Variants in FILIP1 observed in about 807,000 individuals in gnomAD.
FILIP1 encodes the protein filamin A interacting protein 1.
In FILIP1, 61 loss-of-function variants were observed where a neutral mutation model predicts 102.1. That is an observed-to-expected ratio of 0.60 (90% confidence interval 0.49 to 0.74). FILIP1 has a LOEUF of 0.74. FILIP1 is among the 30% of genes least tolerant of loss of function. The pLI is 0.00. For synonymous variants in FILIP1, 491 were observed against 526.9 expected, an observed-to-expected ratio of 0.93 and a Z score of 0.93; for missense variants, 1,314 against 1,441.2, an observed-to-expected ratio of 0.91 and a Z score of 1.43.
chr6:75,420,836 A>G (rs1352118138), intron 1 of FILIP1, among the ~76,000 whole-genome samples: 2 of 152,206 alleles, frequency 1.3e-5, no homozygotes, highest in Admixed American at 1.3e-4. Flanking sequence ...TGCCCCAAAC[A>G]TAATCTGTTT....
chr6:75,441,040 G>A (rs1362436583), intron 1 of FILIP1, among the ~76,000 whole-genome samples: 2 of 149,914 alleles, frequency 1.3e-5, no homozygotes, highest in South Asian at 2.1e-4. Context: ...AGGGGGATTT[G>A]GCAGGGTCAT....
At chr6:75,294,541 A>G (rs369513869) in exon 7 of FILIP1, 3 of 152,368 alleles carry the variant, frequency 2.0e-5, no homozygotes, top group South Asian at 2.1e-4. Flanking sequence ...GATTTGAGTA[A>G]TGCACGTTGT....
At chr6:75,456,611 G>GAGCAAGAGC in intron 1 of FILIP1, among the ~76,000 whole-genome samples, 1 of 147,820 alleles carries the variant, frequency 6.8e-6, no homozygotes, top group South Asian at 2.1e-4. Context: ...CCAGGCTGCA[G>GAGCAAGAGC]TGTGGTGGCA....
downstream of FILIP1, among the ~76,000 whole-genome samples, chr6:75,303,973 T>C (rs1267155967): frequency 6.6e-6 from 1 of 152,054 alleles, no homozygotes; most frequent in Non-Finnish European, 1.5e-5. Context: ...AGGGCTGAAC[T>C]AGGAAGGCCT....
chr6:75,415,682 T>C (rs984045802), intron 1 of FILIP1, among the ~76,000 whole-genome samples: 11 of 152,092 alleles, frequency 7.2e-5, no homozygotes, highest in Non-Finnish European at 1.5e-4. Flanking sequence ...AATCAGGTCT[T>C]TTAATGTCAT....
chr6:75,310,298 T>C (rs1773137693), intron 5 of FILIP1, among the ~76,000 whole-genome samples: 1 of 152,248 alleles, frequency 6.6e-6, no homozygotes, highest in Non-Finnish European at 1.5e-5. Flanking sequence ...TACATACCTC[T>C]ATCATAGAAC....
chr6:75,413,579 C>A (rs562733648), intron 2 of FILIP1, among the ~76,000 whole-genome samples: 1 of 152,012 alleles, frequency 6.6e-6, no homozygotes, highest in South Asian at 2.1e-4. Flanking sequence ...ACAGAGTGAC[C>A]CACCCTAGTT....
At chr6:75,372,797 G>GAAGGAAA (rs1775619780) in intron 2 of FILIP1, among the ~76,000 whole-genome samples, 1 of 41,474 alleles carries the variant, frequency 2.4e-5, no homozygotes, top group Non-Finnish European at 4.6e-5. Flanking sequence ...AAAGAAAGAA[G>GAAGGAAA]GAAAGAAAGA....
intron 1 of FILIP1, among the ~76,000 whole-genome samples, chr6:75,455,836 C>T (rs1331492318): frequency 1.3e-5 from 2 of 152,204 alleles, no homozygotes; most frequent in African/African-American, 4.8e-5. Flanking sequence ...TACTATTAGG[C>T]TGCTGTGGGC....
intron 1 of FILIP1, among the ~76,000 whole-genome samples, chr6:75,450,847 C>A (rs1216324213): frequency 6.6e-6 from 1 of 151,982 alleles, no homozygotes; most frequent in Non-Finnish European, 1.5e-5. Flanking sequence ...CCCAGCTACT[C>A]AGGTTGCTGA....
At chr6:75,356,393 T>C (rs1364851230) in intron 3 of FILIP1, among the ~76,000 whole-genome samples, 9 of 152,192 alleles carry the variant, frequency 5.9e-5, no homozygotes, top group Admixed American at 5.9e-4. Context: ...AAGCCCACGT[T>C]AATGGGTGGC....
chr6:75,314,710 A>G lies in FILIP1; in HGVS notation c.1122T>C (p.Ser374=). The G allele has an allele frequency of 1.2e-6, 2 of 1,614,036 alleles. No individual in the cohort carries two copies. Among genetic ancestry groups the G allele is most frequent in the Middle Eastern group, 1.6e-4 (1 of 6,062 alleles). Reference sequence around the variant, plus strand: ...GATTTTCCACTTCTGCCATGAGGCTAGAGTTTCCACATTCTCCTTTGGCAA... The same window carrying G: ...GATTTTCCACTTCTGCCATGAGGCTGGAGTTTCCACATTCTCCTTTGGCAA... ...DKIAKGECGN[S]SLMAEVENLR... The change falls in exon 5 of 6, where the codon TCT becomes TCC. Residue 374 remains serine (S), a synonymous_variant. Transcript: ENST00000237172.
At chr6:75,471,289 T>A (rs1779321452) in intron 1 of FILIP1, among the ~76,000 whole-genome samples, 1 of 151,562 alleles carries the variant, frequency 6.6e-6, no homozygotes, top group Admixed American at 6.6e-5. Context: ...TATTTCAACC[T>A]AAATAATAAT....
intron 4 of FILIP1, among the ~76,000 whole-genome samples, chr6:75,349,579 G>C (rs1223052085): frequency 6.6e-6 from 1 of 152,184 alleles, no homozygotes; most frequent in African/African-American, 2.4e-5. Context: ...GGGACTTTTC[G>C]GGAAAAGGGG....
chr6:75,389,598 T>C (rs1278779864), intron 2 of FILIP1, among the ~76,000 whole-genome samples: 1 of 152,164 alleles, frequency 6.6e-6, no homozygotes, highest in Non-Finnish European at 1.5e-5. Context: ...GGTTTAGTAT[T>C]AGGAGGGTGT....
At chr6:75,479,764 G>A (rs896629539) in intron 1 of FILIP1, among the ~76,000 whole-genome samples, 7 of 150,794 alleles carry the variant, frequency 4.6e-5, no homozygotes, top group Non-Finnish European at 1.0e-4. Context: ...AGCTCCTCGC[G>A]AGGCTGAGGC....
At chr6:75,360,192 A>G (rs1338014830) in intron 3 of FILIP1, among the ~76,000 whole-genome samples, 2 of 152,156 alleles carry the variant, frequency 1.3e-5, no homozygotes, top group African/African-American at 4.8e-5. Flanking sequence ...GACATGCCCA[A>G]AATCTCTGCT....
At chr6:75,409,338 C>T (rs891553074) in intron 2 of FILIP1, among the ~76,000 whole-genome samples, 4 of 152,078 alleles carry the variant, frequency 2.6e-5, no homozygotes, top group Non-Finnish European at 5.9e-5. Context: ...ACTTCAAAGG[C>T]GCCTTAGAGT....
chr6:75,384,997 G>A (rs1007622255), intron 2 of FILIP1: 2 of 135,934 alleles, frequency 1.5e-5, no homozygotes, highest in South Asian at 2.3e-4. Context: ...ACAAGGTTTC[G>A]CCATGTTTTC....
Sources: gnomAD v4.1 joint callset for allele counts (sites outside exome capture counted in the v4.1 genomes callset) on GRCh38, gnomAD v4.1.1 for gene constraint, MANE v1.5 for transcripts, NCBI Gene and HGNC (gene_info 2026-07-23, HGNC 2026-07-21) for gene names.